TMEM178B: variants seen among roughly 807,000 people sequenced by gnomAD.
TMEM178B encodes the protein transmembrane protein 178B.
In TMEM178B, 5 loss-of-function variants were observed where a neutral mutation model predicts 31.0. That is an observed-to-expected ratio of 0.16 (90% confidence interval 0.08 to 0.34). The LOEUF is 0.34. Ranked by LOEUF, TMEM178B falls within the 10% of genes least tolerant of loss-of-function variation. The pLI, the probability that TMEM178B is intolerant of heterozygous loss-of-function variation, is 1.00. For synonymous variants in TMEM178B, 164 were observed against 164.0 expected (o/e 1.00, Z 0.00); for missense variants, 275 against 400.3 (o/e 0.69, Z 2.67).
At chr7:141,089,486 T>C (rs369181019) in intron 1 of TMEM178B, among the ~76,000 whole-genome samples, 8 of 151,606 alleles carry the variant, frequency 5.3e-5, no homozygotes, top group African/African-American at 2.0e-4. Flanking sequence ...GAAATACCAT[T>C]TGAGCCAGCC....
intron 2 of TMEM178B, among the ~76,000 whole-genome samples, chr7:141,407,266 A>G (rs916191451): frequency 6.6e-6 from 1 of 152,350 alleles, no homozygotes; most frequent in Admixed American, 6.5e-5. Context: ...TGACAGAAGA[A>G]TCTGAAAGGC....
At chr7:141,223,238 G>T (rs991649798) in intron 2 of TMEM178B, among the ~76,000 whole-genome samples, 2 of 152,142 alleles carry the variant, frequency 1.3e-5, no homozygotes, top group African/African-American at 2.4e-5. Flanking sequence ...CTGCGGTTAG[G>T]GTGGAGGGGA....
chr7:141,507,435 C>T, the TMEM178B span, among the ~76,000 whole-genome samples: 36 of 152,296 alleles, frequency 2.4e-4, no homozygotes, highest in Non-Finnish European at 4.1e-4. Flanking sequence ...GGCAGTGGCA[C>T]GATCTTGGCT....
At chr7:141,178,172 A>G (rs890423412) in intron 1 of TMEM178B, among the ~76,000 whole-genome samples, 11 of 152,060 alleles carry the variant, frequency 7.2e-5, no homozygotes, top group African/African-American at 2.7e-4. Flanking sequence ...CCTTGTCTGT[A>G]AAGGATTTTA....
chr7:141,176,585 T>G (rs1796438582), intron 1 of TMEM178B, among the ~76,000 whole-genome samples: 1 of 152,200 alleles, frequency 6.6e-6, no homozygotes, highest in South Asian at 2.1e-4. Flanking sequence ...ATCCGTCTGG[T>G]CCTGGACTTT....
At chr7:141,233,043 A>C (rs1457419359) in intron 2 of TMEM178B, among the ~76,000 whole-genome samples, 1 of 152,150 alleles carries the variant, frequency 6.6e-6, no homozygotes, top group Non-Finnish European at 1.5e-5. Context: ...GTGAGAGTGC[A>C]TTGATTCGAA....
At chr7:141,188,882 A>G (rs1796653610) in intron 1 of TMEM178B, among the ~76,000 whole-genome samples, 1 of 152,256 alleles carries the variant, frequency 6.6e-6, no homozygotes, top group Non-Finnish European at 1.5e-5. Flanking sequence ...CCCTGAAAAG[A>G]GCCAGCGTTA....
intron 2 of TMEM178B, among the ~76,000 whole-genome samples, chr7:141,261,884 G>T (rs1798019717): frequency 6.6e-6 from 1 of 152,114 alleles, no homozygotes; most frequent in African/African-American, 2.4e-5. Context: ...TAGAATCCTG[G>T]CTCTTAGACC....
intron 2 of TMEM178B, among the ~76,000 whole-genome samples, chr7:141,352,922 A>G (rs905776842): frequency 2.6e-5 from 4 of 152,232 alleles, no homozygotes; most frequent in African/African-American, 9.6e-5. Flanking sequence ...AGGCTCAGTA[A>G]GAAAAAAGAG....
intron 2 of TMEM178B, among the ~76,000 whole-genome samples, chr7:141,358,888 A>C (rs572082259): frequency 2.6e-5 from 4 of 152,344 alleles, no homozygotes; most frequent in Admixed American, 2.6e-4. Context: ...AAGCTTTATT[A>C]GTTACTAAAA....
intron 2 of TMEM178B, among the ~76,000 whole-genome samples, chr7:141,360,947 A>T (rs928910722): frequency 5.3e-5 from 8 of 152,186 alleles, no homozygotes; most frequent in African/African-American, 1.9e-4. Flanking sequence ...CTGTAAGACC[A>T]GTCAGCAAAG....
chr7:141,458,644 A>G (rs1802008598), intron 3 of TMEM178B, among the ~76,000 whole-genome samples: 1 of 152,116 alleles, frequency 6.6e-6, no homozygotes, highest in South Asian at 2.1e-4. Context: ...CTTGAGAACA[A>G]TTTTTCTTCA....
At chr7:141,144,878 T>G (rs1795827505) in intron 1 of TMEM178B, among the ~76,000 whole-genome samples, 1 of 152,086 alleles carries the variant, frequency 6.6e-6, no homozygotes, top group Non-Finnish European at 1.5e-5. Context: ...GTTGCTTTTT[T>G]TCACTGACCA....
In TMEM178B at chr7:141,330,060, G is replaced by C. The variant is rs1055403034; in HGVS notation, c.497-107548G>C. 1.7e-3 allele frequency among the ~76,000 whole-genome samples: 266 copies of C among 152,092 alleles called. 2 individuals carry two copies. Among genetic ancestry groups the C allele is most frequent in the African/African-American group, 6.1e-3 (254 of 41,450 alleles). On this transcript the variant is annotated intron_variant, in intron 2 of 3. Coordinates refer to ENST00000565468, the MANE Select transcript of TMEM178B (RefSeq NM_001195278.2). ...CTGAGAAATTTAATCTTCACCCTGAGGGCAGTAGGATCCTATTGAAGGGCT... is the reference window on the plus strand; with the variant it reads ...CTGAGAAATTTAATCTTCACCCTGACGGCAGTAGGATCCTATTGAAGGGCT...
intron 2 of TMEM178B, among the ~76,000 whole-genome samples, chr7:141,245,779 T>G (rs540592878): frequency 2.0e-5 from 3 of 152,370 alleles, no homozygotes; most frequent in African/African-American, 4.8e-5. Context: ...TGAGTCGATC[T>G]TCATCCAAAC....
intron 3 of TMEM178B, among the ~76,000 whole-genome samples, chr7:141,465,122 C>A (rs1270092206): frequency 6.6e-6 from 1 of 152,190 alleles, no homozygotes; most frequent in Non-Finnish European, 1.5e-5. Context: ...GCCCCAGAGG[C>A]CATGGTCTGC....
intron 2 of TMEM178B, among the ~76,000 whole-genome samples, chr7:141,375,693 T>A (rs1233443362): frequency 1.3e-5 from 2 of 152,206 alleles, no homozygotes; most frequent in East Asian, 1.9e-4. Flanking sequence ...TATTAAATTA[T>A]ATTTAGGAAG....
the TMEM178B span, among the ~76,000 whole-genome samples, chr7:141,506,546 C>T: frequency 9.7e-4 from 147 of 152,214 alleles, 5 homozygotes; most frequent in East Asian, 7.7e-4. Context: ...GAAGACCGGC[C>T]GCCATGATTT....
At chr7:141,146,656 T>C (rs965498631) in intron 1 of TMEM178B, among the ~76,000 whole-genome samples, 7 of 152,222 alleles carry the variant, frequency 4.6e-5, no homozygotes, top group African/African-American at 1.7e-4. Flanking sequence ...TCAGTACTAC[T>C]AAGGATCTTC....
Sources: allele counts gnomAD v4.1 joint callset (sites outside exome capture counted in the v4.1 genomes callset), GRCh38; gene constraint gnomAD v4.1.1; transcripts MANE v1.5; gene names NCBI Gene and HGNC (gene_info 2026-07-23, HGNC 2026-07-21).